Variants in TSPEAR observed in about 807,000 individuals in gnomAD.
TSPEAR encodes thrombospondin type laminin G domain and EAR repeats.
A neutral mutation model predicts 71.6 loss-of-function variants in TSPEAR; 69 were observed. That is an observed-to-expected ratio of 0.96 (90% CI 0.79 to 1.18). TSPEAR has a LOEUF of 1.18. TSPEAR is among the 50% of genes most tolerant of loss of function. The pLI is 0.00. For synonymous variants in TSPEAR, 402 were observed against 387.2 expected, an observed-to-expected ratio of 1.04 and a Z score of -0.45; for missense variants, 971 against 894.9, an observed-to-expected ratio of 1.09 and a Z score of -1.09.
At chr21:44,514,364 G>C (rs1211943255) in intron 9 of TSPEAR, among the ~76,000 whole-genome samples, 5 of 152,160 alleles carry the variant, frequency 3.3e-5, no homozygotes, top group Non-Finnish European at 5.9e-5. Flanking sequence ...ATGGAAGCGA[G>C]TACACACACG....
chr21:44,671,739 G>T (rs8126811), intron 1 of TSPEAR, among the ~76,000 whole-genome samples: 78,716 of 151,954 alleles, frequency 0.52, 20,878 homozygotes, highest in African/African-American at 0.64. Flanking sequence ...ATTGGAAGAA[G>T]TGATTGTTAT....
chr21:44,621,603 C>G (rs587765065), intron 1 of TSPEAR, among the ~76,000 whole-genome samples: 31 of 152,288 alleles, frequency 2.0e-4, no homozygotes, highest in African/African-American at 7.2e-4. Context: ...GTTGCTCTCA[C>G]TAGAAGCCAA....
chr21:44,681,608 A>G, intron 1 of TSPEAR: 1 of 534,138 alleles, frequency 1.9e-6, no homozygotes, highest in Non-Finnish European at 3.3e-6. Context: ...TTTGACTCTC[A>G]TGGGGTCAGA....
intron 9 of TSPEAR, chr21:44,516,498 C>A (rs1228428232): frequency 1.3e-5 from 2 of 152,258 alleles, no homozygotes; most frequent in African/African-American, 4.8e-5. Context: ...CCTCTGCTCT[C>A]CTTCTCCCCT....
At chr21:44,529,328 T>C (rs1309214097) in intron 5 of TSPEAR, among the ~76,000 whole-genome samples, 1 of 152,140 alleles carries the variant, frequency 6.6e-6, no homozygotes, top group Non-Finnish European at 1.5e-5. Context: ...GGGGAGGCCC[T>C]CTGGGCCGGG....
intron 1 of TSPEAR, among the ~76,000 whole-genome samples, chr21:44,694,661 A>T (rs1371014379): frequency 6.6e-6 from 1 of 152,272 alleles, no homozygotes; most frequent in Non-Finnish European, 1.5e-5. Context: ...ACATTTTTAA[A>T]GGCAGTCAAA....
rs1361021061 is a variant in TSPEAR, at chr21:44,546,495, C to T, written c.304-12572G>A. Among the ~76,000 whole-genome samples the T allele has an allele frequency of 5.9e-5, 9 of 152,136 alleles. No homozygotes were observed. The highest frequency in any genetic ancestry group is 2.1e-4 in the South Asian group (1 of 4,814). On this transcript the variant is annotated intron_variant, in intron 2 of 11. Transcript: ENST00000323084. This position sits in a 1 kb window ranked among gnomAD's most constrained non-coding sequence, Gnocchi z 4.4. ...GACTACAGGCTCCCGCCACCAGGCC[C>T]GGCTAATTTTTTGTATTTTGATTGG...
intron 1 of TSPEAR, chr21:44,697,219 C>A (rs191466912): frequency 3.1e-6 from 5 of 1,613,890 alleles, no homozygotes; most frequent in Non-Finnish European, 4.2e-6. Flanking sequence ...TCTGCTCCAG[C>A]GACCTGAGCT....
intron 2 of TSPEAR, among the ~76,000 whole-genome samples, chr21:44,567,276 G>A (rs2053715571): frequency 1.3e-5 from 2 of 152,208 alleles, no homozygotes; most frequent in Admixed American, 6.5e-5. Flanking sequence ...TGTTGGAAAT[G>A]CAAATTCATT....
intron 1 of TSPEAR, among the ~76,000 whole-genome samples, chr21:44,582,915 C>T (rs587705936): frequency 1.1e-4 from 17 of 152,258 alleles, no homozygotes; most frequent in East Asian, 1.9e-4. Flanking sequence ...CCCCACCTCC[C>T]GGGTTCAAGC....
At chr21:44,602,090 GCTGTGGGCCTGGGC>G (rs1980977539) in intron 1 of TSPEAR, 1 of 393,104 alleles carries the variant, frequency 2.5e-6, no homozygotes, top group East Asian at 4.8e-5. Flanking sequence ...CTCCTCCCCT[GCTGTGGGCCTGGGC>G]CTCTTTCTCT....
intron 3 of TSPEAR, among the ~76,000 whole-genome samples, chr21:44,532,925 T>C (rs1261736111): frequency 1.3e-5 from 2 of 152,260 alleles, no homozygotes; most frequent in African/African-American, 2.4e-5. Context: ...GAACCTGCCA[T>C]GTGGAGTCAC....
intron 1 of TSPEAR, among the ~76,000 whole-genome samples, chr21:44,663,973 A>T (rs1354447225): frequency 6.6e-6 from 1 of 152,204 alleles, no homozygotes; most frequent in Non-Finnish European, 1.5e-5. Flanking sequence ...TTTAAAGAGC[A>T]TCTATGAAAA....
rs782410203 is a variant in TSPEAR at position 44,592,123 on chromosome 21, T to C, written c.83-24118A>G. ...GCAGACGGACACACAGCACACAGGC[T>C]TGCAGCAGACAGTCTTGCAGCAGAC... On this transcript the variant is annotated intron_variant, in intron 1 of 11. Transcript: ENST00000323084. The C allele has an allele frequency of 2.1e-6, 3 of 1,440,728 alleles. 1 individual carries two copies. The highest frequency in any genetic ancestry group is 2.5e-5 in the South Asian group (2 of 80,200). 89.2% of individuals were successfully genotyped at this position (1,440,728 alleles called of 1,614,324 possible).
chr21:44,572,734 A>G (rs1978288342), intron 1 of TSPEAR, among the ~76,000 whole-genome samples: 1 of 151,710 alleles, frequency 6.6e-6, no homozygotes, highest in African/African-American at 2.4e-5. Flanking sequence ...GTGACCCTAT[A>G]TGGAAATAGG....
At chr21:44,601,001 C>T in intron 1 of TSPEAR, 5 of 1,611,544 alleles carry the variant, frequency 3.1e-6, no homozygotes, top group Non-Finnish European at 4.2e-6. Context: ...TACTGTGTGC[C>T]TGTCTGCAGT....
At chr21:44,681,669 AG>A in intron 1 of TSPEAR, 1 of 962,980 alleles carries the variant, frequency 1.0e-6, no homozygotes, top group South Asian at 2.2e-5. Flanking sequence ...AAGTTCAGCC[AG>A]GGCTCCAGAT....
intron 1 of TSPEAR, among the ~76,000 whole-genome samples, chr21:44,698,513 G>GCCCT (rs1177180549): frequency 6.6e-6 from 1 of 152,226 alleles, no homozygotes; most frequent in Non-Finnish European, 1.5e-5. Flanking sequence ...GTCTCCCAGG[G>GCCCT]CCCTGATGGG....
intron 1 of TSPEAR, chr21:44,682,209 G>A (rs1411818719): frequency 4.5e-5 from 67 of 1,488,282 alleles, no homozygotes; most frequent in Non-Finnish European, 5.8e-5. Context: ...CCTGGACCCA[G>A]GCATCCCCAC....
Sources: gnomAD v4.1 joint callset for allele counts (sites outside exome capture counted in the v4.1 genomes callset) on GRCh38, gnomAD v4.1.1 for gene constraint, Gnocchi (gnomAD v3.1) non-coding constraint, MANE v1.5 for transcripts, NCBI Gene and HGNC (gene_info 2026-07-23, HGNC 2026-07-21) for gene names.